PABPC4L: variants seen among roughly 807,000 people sequenced by gnomAD.
PABPC4L encodes poly(A) binding protein cytoplasmic 4 like.
For missense variants in PABPC4L, 452 were observed against 451.4 expected, an observed-to-expected ratio of 1.00 and a Z score of -0.01; for synonymous variants, 169 against 164.1, an observed-to-expected ratio of 1.03 and a Z score of -0.23.
chr4:134,040,837 G>A, the PABPC4L span, among the ~76,000 whole-genome samples: 12 of 151,956 alleles, frequency 7.9e-5, no homozygotes, highest in Admixed American at 1.3e-4. Context: ...TCTGACAAAG[G>A]GCAATTATCC....
chr4:134,195,801 G>T (rs1030379420), downstream of PABPC4L, among the ~76,000 whole-genome samples: 4 of 151,576 alleles, frequency 2.6e-5, no homozygotes, highest in Non-Finnish European at 5.9e-5. Context: ...TATTTCCTCT[G>T]GGCAAACCTG....
chr4:133,952,234 C>G, the PABPC4L span, among the ~76,000 whole-genome samples: 6 of 152,126 alleles, frequency 3.9e-5, no homozygotes, highest in Non-Finnish European at 7.4e-5. Flanking sequence ...CTTGTGGCAG[C>G]ACAGTCCATT....
At chr4:134,190,739 C>T in the PABPC4L span, among the ~76,000 whole-genome samples, 1 of 152,024 alleles carries the variant, frequency 6.6e-6, no homozygotes, top group African/African-American at 2.4e-5. Flanking sequence ...GCAACCTTTG[C>T]CTTCCAGGTT....
At chr4:134,106,111 A>G in the PABPC4L span, among the ~76,000 whole-genome samples, 1 of 151,602 alleles carries the variant, frequency 6.6e-6, no homozygotes, top group Non-Finnish European at 1.5e-5. Context: ...ATAGCCTGGT[A>G]CCAAGCTCTC....
the PABPC4L span, among the ~76,000 whole-genome samples, chr4:134,035,990 G>A: frequency 6.6e-6 from 1 of 151,936 alleles, no homozygotes; most frequent in East Asian, 1.9e-4. Context: ...AACAACATGA[G>A]GAAAACTGCC....
the PABPC4L span, among the ~76,000 whole-genome samples, chr4:133,988,171 C>T: frequency 6.6e-6 from 1 of 152,138 alleles, no homozygotes; most frequent in African/African-American, 2.4e-5. Context: ...ACAGCCAAAC[C>T]ATATGATTCT....
downstream of PABPC4L, among the ~76,000 whole-genome samples, chr4:134,191,488 A>C (rs1729511027): frequency 6.6e-6 from 1 of 152,176 alleles, no homozygotes; most frequent in African/African-American, 2.4e-5. Context: ...AAATAATACA[A>C]AGTATGCTCA....
At chr4:134,080,619 C>T in the PABPC4L span, among the ~76,000 whole-genome samples, 1 of 152,048 alleles carries the variant, frequency 6.6e-6, no homozygotes, top group Non-Finnish European at 1.5e-5. Flanking sequence ...GAAGGAGTCA[C>T]CTAATCTCTT....
At chr4:133,949,058 C>G in the PABPC4L span, among the ~76,000 whole-genome samples, 1 of 152,088 alleles carries the variant, frequency 6.6e-6, no homozygotes, top group Non-Finnish European at 1.5e-5. Context: ...TCTAAAGTAG[C>G]TAGTTTATTG....
At chr4:134,098,044 GA>G in the PABPC4L span, among the ~76,000 whole-genome samples, 2 of 151,528 alleles carry the variant, frequency 1.3e-5, no homozygotes, top group African/African-American at 4.8e-5. Context: ...TTTAAGACCT[GA>G]AAAAAATATA....
the PABPC4L span, among the ~76,000 whole-genome samples, chr4:134,157,175 A>C: frequency 6.6e-6 from 1 of 151,228 alleles, no homozygotes; most frequent in Non-Finnish European, 1.5e-5. Flanking sequence ...GTTGTTTAAC[A>C]CTGTCCATTT....
the PABPC4L span, among the ~76,000 whole-genome samples, chr4:134,173,458 C>A: frequency 2.6e-5 from 4 of 151,730 alleles, no homozygotes; most frequent in Admixed American, 6.6e-5. Flanking sequence ...AAGACAGGCA[C>A]AAAGAGACAA....
chr4:134,094,930 T>C, the PABPC4L span, among the ~76,000 whole-genome samples: 2,145 of 151,872 alleles, frequency 0.014, 44 homozygotes, highest in African/African-American at 0.048. Flanking sequence ...GCTAACGTGT[T>C]TTTTAAAATG....
the PABPC4L span, among the ~76,000 whole-genome samples, chr4:134,123,430 T>C: frequency 6.6e-6 from 1 of 152,068 alleles, no homozygotes; most frequent in African/African-American, 2.4e-5. Context: ...GGCATCACCT[T>C]ATTTAACCTC....
the PABPC4L span, among the ~76,000 whole-genome samples, chr4:134,070,131 T>C: frequency 1.3e-5 from 2 of 151,766 alleles, no homozygotes; most frequent in African/African-American, 2.4e-5. Flanking sequence ...TGCTGTGTGG[T>C]TTCATGTTGG....
the PABPC4L span, among the ~76,000 whole-genome samples, chr4:134,177,832 C>T: frequency 6.6e-6 from 1 of 152,070 alleles, no homozygotes; most frequent in African/African-American, 2.4e-5. Context: ...AATGCAGCCT[C>T]CTGTTGTCCC....
chr4:134,174,626 A>G, the PABPC4L span, among the ~76,000 whole-genome samples: 2,241 of 152,200 alleles, frequency 0.015, 24 homozygotes, highest in Non-Finnish European at 0.023. Context: ...ACATGACTGT[A>G]TATGTATTTA....
At chr4:134,039,461 T>C in the PABPC4L span, among the ~76,000 whole-genome samples, 1 of 152,220 alleles carries the variant, frequency 6.6e-6, no homozygotes, top group African/African-American at 2.4e-5. Flanking sequence ...AGTCTAAGTC[T>C]CTTTGTAGGT....
the PABPC4L span, among the ~76,000 whole-genome samples, chr4:133,961,281 C>A: frequency 6.6e-6 from 1 of 152,160 alleles, no homozygotes; most frequent in Non-Finnish European, 1.5e-5. Flanking sequence ...GCCTGGTAGA[C>A]TTGCTAAGTG....
Sources: allele counts gnomAD v4.1 joint callset (sites outside exome capture counted in the v4.1 genomes callset), GRCh38; gene constraint gnomAD v4.1.1; transcripts MANE v1.5; gene names NCBI Gene and HGNC (gene_info 2026-07-23, HGNC 2026-07-21).